The following EPHX2 variants were observed in gnomAD, a reference collection of about 807,000 sequenced individuals.
EPHX2 encodes bifunctional epoxide hydrolase 2.
Under a neutral mutation model 78.7 loss-of-function variants are expected in EPHX2, and 74 were observed. That is an observed-to-expected ratio of 0.94 (90% CI 0.78 to 1.14). The LOEUF (loss-of-function observed/expected upper bound fraction) is 1.14, where lower values mean the gene tolerates loss of function less well. EPHX2 is among the 50% of genes most tolerant of loss of function. The probability of loss-of-function intolerance (pLI) is 0.00; values close to 1 mark genes in which losing one functional copy is unlikely to be tolerated. For missense variants in EPHX2, 715 were observed against 702.5 expected (o/e 1.02, Z -0.20); for synonymous variants, 251 against 255.2 (o/e 0.98, Z 0.16).
chr8:27,545,793 G>T (rs746968344), downstream of EPHX2, among the ~76,000 whole-genome samples: 1 of 152,198 alleles, frequency 6.6e-6, no homozygotes, highest in Middle Eastern at 3.4e-3. Flanking sequence ...GCATGATGAC[G>T]GGCATGAGTT....
chr8:27,532,900 GCCAGGA>G (rs1445239418), intron 12 of EPHX2, among the ~76,000 whole-genome samples: 2 of 152,158 alleles, frequency 1.3e-5, no homozygotes, highest in Non-Finnish European at 2.9e-5. Context: ...GGATCACTTG[GCCAGGA>G]CTTTGAGACC....
intron 13 of EPHX2, 42 bp downstream of exon 13, chr8:27,536,897 T>C (rs1815232312): frequency 6.2e-7 from 1 of 1,607,700 alleles, no homozygotes; most frequent in Non-Finnish European, 8.5e-7. Flanking sequence ...GAGGGGGCAG[T>C]TGTGAAGGAA....
chr8:27,546,888 GC>G (rs1275331705), downstream of EPHX2, among the ~76,000 whole-genome samples: 2 of 152,328 alleles, frequency 1.3e-5, no homozygotes, highest in East Asian at 3.9e-4. Flanking sequence ...TCACGGTTCT[GC>G]AGGCTTTACA....
downstream of EPHX2, among the ~76,000 whole-genome samples, chr8:27,547,804 G>A (rs1402705913): frequency 1.3e-5 from 2 of 152,080 alleles, no homozygotes; most frequent in African/African-American, 4.8e-5. Context: ...AGAACATGTG[G>A]TGTTTCACTT....
intron 12 of EPHX2, among the ~76,000 whole-genome samples, chr8:27,527,942 A>G (rs901901075): frequency 6.6e-6 from 1 of 152,172 alleles, no homozygotes; most frequent in African/African-American, 2.4e-5. Flanking sequence ...GACCAGGTAC[A>G]TGATTGGGTC....
At chr8:27,526,113 A>C (rs1814838237) in intron 12 of EPHX2, among the ~76,000 whole-genome samples, 2 of 152,240 alleles carry the variant, frequency 1.3e-5, no homozygotes, top group Admixed American at 1.3e-4. Flanking sequence ...TGCACACTCC[A>C]GAGAGAGAGG....
At chr8:27,508,601 T>G (rs1443883197) in intron 5 of EPHX2, among the ~76,000 whole-genome samples, 1 of 152,204 alleles carries the variant, frequency 6.6e-6, no homozygotes, top group Non-Finnish European at 1.5e-5. Flanking sequence ...CACAGATACC[T>G]GTCCTGTGAA....
At chr8:27,536,949 T>G (rs978293989) in intron 13 of EPHX2, 94 bp downstream of exon 13, 2 of 1,325,456 alleles carry the variant, frequency 1.5e-6, no homozygotes, top group Non-Finnish European at 2.1e-6. Context: ...AGTAGCAATC[T>G]GGCCTCCTTT....
In EPHX2 at chr8:27,491,245, G is replaced by A. The variant is rs780508291; in HGVS notation, c.37G>A (p.Val13Met). The change falls in exon 1 of 19, where the codon GTG (valine) becomes ATG (methionine). Residue 13 changes from valine to methionine, a missense_variant. Physicochemically the swap from Val to Met is conservative, Grantham distance 21. Transcript: ENST00000521400. ...CGCGGCCGTCTTCGACCTTGACGGG[G>A]TGCTGGCGCTGCCAGCGGTGTTCGG... ...LRAAVFDLDG[V>M]LALPAVFGVL... The A allele has an allele frequency of 3.8e-6, 6 of 1,585,336 alleles. No homozygotes were observed. The South Asian group carries it at 6.7e-5, about 18-fold the overall frequency.
intron 6 of EPHX2, among the ~76,000 whole-genome samples, chr8:27,514,456 G>A (rs1585200012): frequency 1.3e-5 from 2 of 152,282 alleles, no homozygotes; most frequent in African/African-American, 4.8e-5. Context: ...ATATGTAATT[G>A]GGGTAAGAAC....
At chr8:27,524,987 G>GA (rs5890372) in intron 11 of EPHX2, among the ~76,000 whole-genome samples, 4 of 151,028 alleles carry the variant, frequency 2.6e-5, no homozygotes, top group East Asian at 3.9e-4. Flanking sequence ...TAAAGGGAGG[G>GA]AAAAAAAATG....
chr8:27,522,956 C>T (rs1363728166), intron 11 of EPHX2, among the ~76,000 whole-genome samples: 15 of 120,678 alleles, frequency 1.2e-4, no homozygotes, highest in African/African-American at 4.4e-4. Context: ...AGTGAAACTC[C>T]GTTTCCAAAA....
chr8:27,504,016 C>T (rs575264078), intron 3 of EPHX2, among the ~76,000 whole-genome samples: 1 of 152,306 alleles, frequency 6.6e-6, no homozygotes, highest in Non-Finnish European at 1.5e-5. Flanking sequence ...ATCATTCTCC[C>T]CTTCAATGGC....
chr8:27,510,581 G>A (rs928867122), intron 5 of EPHX2, among the ~76,000 whole-genome samples: 1 of 152,092 alleles, frequency 6.6e-6, no homozygotes, highest in African/African-American at 2.4e-5. Context: ...CTGAAGAAAG[G>A]GCGTTCAAGG....
intron 14 of EPHX2, among the ~76,000 whole-genome samples, chr8:27,540,320 G>A (rs943990339): frequency 6.6e-6 from 1 of 152,168 alleles, no homozygotes; most frequent in African/African-American, 2.4e-5. Flanking sequence ...AATAGCCCGT[G>A]AAGTCGTGGC....
chr8:27,515,425 GC>G (rs1814410669), intron 6 of EPHX2: 1 of 384,048 alleles, frequency 2.6e-6, no homozygotes, highest in East Asian at 5.4e-5. Flanking sequence ...GAGTATGGGG[GC>G]CTTGTAGAGA....
At chr8:27,496,631 C>T (rs1813583831) in intron 1 of EPHX2, among the ~76,000 whole-genome samples, 1 of 152,188 alleles carries the variant, frequency 6.6e-6, no homozygotes, top group Non-Finnish European at 1.5e-5. Flanking sequence ...GGTTTTTGTA[C>T]TCCTGGAATT....
intron 5 of EPHX2, among the ~76,000 whole-genome samples, chr8:27,508,167 G>T (rs1563344894): frequency 6.6e-6 from 1 of 152,130 alleles, no homozygotes. Flanking sequence ...GCCAAGCATA[G>T]TGGTGGGCAC....
At chr8:27,521,050 C>T (rs1320611010) in intron 10 of EPHX2, 141 bp downstream of exon 10, 1 of 869,484 alleles carries the variant, frequency 1.2e-6, no homozygotes. Context: ...TGGGCATGGG[C>T]AGGGAAAATC....
Sources: allele counts gnomAD v4.1 joint callset (sites outside exome capture counted in the v4.1 genomes callset), GRCh38; gene constraint gnomAD v4.1.1; transcripts MANE v1.5; gene names NCBI Gene and HGNC (gene_info 2026-07-23, HGNC 2026-07-21).